MAML2: variants seen among roughly 807,000 people sequenced by gnomAD.
MAML2 encodes mastermind-like protein 2.
MAML2 carries 22 observed loss-of-function variants against 96.1 expected under a neutral mutation model. The observed-to-expected ratio is 0.23, with a 90% CI of 0.16 to 0.33. MAML2 has a LOEUF of 0.33. Among genes scored for constraint, MAML2 ranks in the 10% least tolerant of loss-of-function variants. The probability of loss-of-function intolerance (pLI) is 1.00; values close to 1 mark genes in which losing one functional copy is unlikely to be tolerated. For synonymous variants in MAML2, 561 were observed against 521.3 expected (o/e 1.08, Z -1.04); for missense variants, 1,367 against 1,392.4 (o/e 0.98, Z 0.29).
intron 1 of MAML2, among the ~76,000 whole-genome samples, chr11:96,106,755 C>T (rs1448721127): frequency 6.6e-6 from 1 of 152,166 alleles, no homozygotes; most frequent in East Asian, 1.9e-4. Context: ...CCAGCTACAG[C>T]CTTGTAAATT....
At chr11:96,090,849 AACTACTC>A (rs1565210762) in intron 2 of MAML2, among the ~76,000 whole-genome samples, 1 of 152,162 alleles carries the variant, frequency 6.6e-6, no homozygotes, top group Non-Finnish European at 1.5e-5. Flanking sequence ...TAGCCACGAA[AACTACTC>A]TAGGAATGTT....
At chr11:96,152,382 T>C (rs1014638904) in intron 1 of MAML2, among the ~76,000 whole-genome samples, 1 of 148,378 alleles carries the variant, frequency 6.7e-6, no homozygotes, top group Non-Finnish European at 1.5e-5. Context: ...CTATTAAAAA[T>C]ATAATCGACA....
chr11:96,079,374 T>C (rs1326901502), intron 2 of MAML2, among the ~76,000 whole-genome samples: 1 of 152,074 alleles, frequency 6.6e-6, no homozygotes, highest in Non-Finnish European at 1.5e-5. Context: ...ATTAAACACA[T>C]GATTGAGCAA....
intron 2 of MAML2, among the ~76,000 whole-genome samples, chr11:96,084,570 C>T (rs1859578074): frequency 1.3e-5 from 2 of 152,302 alleles, no homozygotes; most frequent in African/African-American, 4.8e-5. Flanking sequence ...ACTCCAGCGG[C>T]TACATGTCCC....
At chr11:96,304,223 C>G (rs185164224) in intron 1 of MAML2, among the ~76,000 whole-genome samples, 150 of 152,262 alleles carry the variant, frequency 9.9e-4, no homozygotes, top group Non-Finnish European at 6.2e-4. Flanking sequence ...GCCTGGTTCA[C>G]TCTCTCACCC....
At chr11:96,339,279 C>A (rs1240130787) in intron 1 of MAML2, among the ~76,000 whole-genome samples, 2 of 152,184 alleles carry the variant, frequency 1.3e-5, no homozygotes, top group Non-Finnish European at 2.9e-5. Context: ...CAGCAGTAAG[C>A]TTTCAGTCGG....
At chr11:96,159,618 G>A (rs1487850640) in intron 1 of MAML2, among the ~76,000 whole-genome samples, 2 of 151,878 alleles carry the variant, frequency 1.3e-5, no homozygotes, top group Non-Finnish European at 2.9e-5. Context: ...TAGAGACGGC[G>A]TTTCACCGTG....
At chr11:96,123,756 G>T (rs374610163) in intron 1 of MAML2, among the ~76,000 whole-genome samples, 2 of 152,164 alleles carry the variant, frequency 1.3e-5, no homozygotes, top group East Asian at 3.9e-4. Flanking sequence ...GGAGGGAGGA[G>T]GACATCGGCT....
chr11:96,340,184 G>A (rs1863973202), intron 1 of MAML2, among the ~76,000 whole-genome samples: 1 of 152,240 alleles, frequency 6.6e-6, no homozygotes, highest in Non-Finnish European at 1.5e-5. Context: ...GCCAGAGGAT[G>A]TCCTCTCCCG....
intron 1 of MAML2, among the ~76,000 whole-genome samples, chr11:96,257,037 A>G (rs1259931512): frequency 6.6e-6 from 1 of 152,238 alleles, no homozygotes; most frequent in Non-Finnish European, 1.5e-5. Context: ...CCTTGTAAAA[A>G]TACAGTTTCC....
chr11:96,265,561 T>C (rs1405465810), intron 1 of MAML2, among the ~76,000 whole-genome samples: 1 of 151,752 alleles, frequency 6.6e-6, no homozygotes, highest in African/African-American at 2.4e-5. Context: ...ATTTTTGTTT[T>C]CCTGCCCAAA....
chr11:96,129,560 TA>T, intron 1 of MAML2, among the ~76,000 whole-genome samples: 1 of 152,030 alleles, frequency 6.6e-6, no homozygotes. Flanking sequence ...TAAATCCAAA[TA>T]GGGGGAGGGG....
At chr11:96,216,218 G>A (rs1053166780) in intron 1 of MAML2, among the ~76,000 whole-genome samples, 4 of 152,162 alleles carry the variant, frequency 2.6e-5, no homozygotes, top group African/African-American at 7.2e-5. Flanking sequence ...TGCACAGAGG[G>A]AAGAACCAGG....
At chr11:96,308,185 G>A (rs776927842) in intron 1 of MAML2, among the ~76,000 whole-genome samples, 1 of 151,940 alleles carries the variant, frequency 6.6e-6, no homozygotes, top group Non-Finnish European at 1.5e-5. Flanking sequence ...AGTGGTGGTG[G>A]GGCATTAGTC....
intron 2 of MAML2, among the ~76,000 whole-genome samples, chr11:96,048,603 A>C (rs1858944357): frequency 6.6e-6 from 1 of 152,216 alleles, no homozygotes; most frequent in South Asian, 2.1e-4. Context: ...AATTTCATTA[A>C]ATTTACCTTC....
rs1481999311 is a variant in MAML2, at chr11:95,991,704, C to T, written c.2159G>A (p.Gly720Asp). The T allele has an allele frequency of 3.1e-6, 5 of 1,613,292 alleles. No individual in the cohort carries two copies. Among genetic ancestry groups the T allele is most frequent in the South Asian group, 2.2e-5 (2 of 91,064 alleles). ...ACTTGGACTGGGGCCTGTGTTCTGG[C>T]CTACCACAGAGTGTTGATCCTAAAG... is the stretch of plus-strand genomic sequence containing the variant. The part of the protein sequence containing the change: ...QQRQDQHSVV[G>D]QNTGPSPSPN... The change falls in exon 3 of 5, where the codon GGC (glycine) becomes GAC (aspartate). Residue 720 changes from glycine to aspartate, a missense_variant. Coordinates refer to ENST00000524717, the MANE Select transcript of MAML2 (RefSeq NM_032427.4).
intron 1 of MAML2, among the ~76,000 whole-genome samples, chr11:96,255,827 G>A (rs1223739981): frequency 6.7e-6 from 1 of 150,326 alleles, no homozygotes; most frequent in Non-Finnish European, 1.5e-5. Context: ...GCTTATTGTC[G>A]GACTTTTTGT....
intron 1 of MAML2, among the ~76,000 whole-genome samples, chr11:96,126,523 C>G (rs1341475895): frequency 2.6e-5 from 4 of 152,168 alleles, no homozygotes; most frequent in Non-Finnish European, 5.9e-5. Flanking sequence ...GATCACACCA[C>G]TGCACTCCAG....
intron 2 of MAML2, among the ~76,000 whole-genome samples, chr11:96,040,722 G>C (rs1198650074): frequency 6.6e-6 from 1 of 152,172 alleles, no homozygotes; most frequent in Non-Finnish European, 1.5e-5. Flanking sequence ...AGCCGAGATC[G>C]TGCCACTGCA....
Sources: allele counts gnomAD v4.1 joint callset (sites outside exome capture counted in the v4.1 genomes callset), GRCh38; gene constraint gnomAD v4.1.1; transcripts MANE v1.5; gene names NCBI Gene and HGNC (gene_info 2026-07-23, HGNC 2026-07-21).